The following NXPE2 variants were observed in gnomAD, a reference collection of about 807,000 sequenced individuals.
The protein encoded by NXPE2 is neurexophilin and PC-esterase domain family member 2.
Under a neutral mutation model 34.4 loss-of-function variants are expected in NXPE2, and 34 were observed. The observed-to-expected ratio is 0.99, with a 90% CI of 0.75 to 1.31. NXPE2 has a LOEUF of 1.31. Ranked by LOEUF, NXPE2 falls within the 40% of genes most tolerant of loss-of-function variation. The pLI is 0.00. For missense variants in NXPE2, 649 were observed against 672.5 expected (o/e 0.97, Z 0.39); for synonymous variants, 235 against 231.3 (o/e 1.02, Z -0.15).
At chr11:114,776,004 C>A in the NXPE2 span, among the ~76,000 whole-genome samples, 1 of 152,202 alleles carries the variant, frequency 6.6e-6, no homozygotes, top group Non-Finnish European at 1.5e-5. Flanking sequence ...GTGCCACTCA[C>A]AAGGCATCAG....
chr11:114,633,016 A>T, the NXPE2 span, among the ~76,000 whole-genome samples: 1 of 107,036 alleles, frequency 9.3e-6, no homozygotes, highest in Non-Finnish European at 1.7e-5. Context: ...TATATTATAT[A>T]ATATATAATG....
At chr11:114,774,651 C>T in the NXPE2 span, among the ~76,000 whole-genome samples, 1 of 152,172 alleles carries the variant, frequency 6.6e-6, no homozygotes, top group South Asian at 2.1e-4. Flanking sequence ...TGGCGTGGTC[C>T]TTGTCCCACT....
At chr11:114,680,167 T>C (rs892426475) in intron 2 of NXPE2, among the ~76,000 whole-genome samples, 2 of 152,102 alleles carry the variant, frequency 1.3e-5, no homozygotes, top group Non-Finnish European at 2.9e-5. Context: ...GCTCTTCCCT[T>C]TGTAAGTTTT....
intron 3 of NXPE2, among the ~76,000 whole-genome samples, chr11:114,700,326 C>A (rs895622815): frequency 1.3e-5 from 2 of 152,038 alleles, no homozygotes; most frequent in African/African-American, 4.8e-5. Context: ...CAGTTTCAAA[C>A]GTGATGGTTG....
the NXPE2 span, among the ~76,000 whole-genome samples, chr11:114,480,470 C>G: frequency 6.6e-6 from 1 of 152,114 alleles, no homozygotes; most frequent in Non-Finnish European, 1.5e-5. Flanking sequence ...GAGCAGCCAC[C>G]TTTCCTGCTG....
chr11:114,499,065 G>C, the NXPE2 span, among the ~76,000 whole-genome samples: 48 of 152,044 alleles, frequency 3.2e-4, no homozygotes, highest in Non-Finnish European at 5.9e-4. Flanking sequence ...CTTCTCCCAT[G>C]GTTATTGATA....
the NXPE2 span, among the ~76,000 whole-genome samples, chr11:114,617,769 TAA>T: frequency 6.6e-6 from 1 of 152,130 alleles, no homozygotes; most frequent in African/African-American, 2.4e-5. Context: ...ATGTGGATAA[TAA>T]GTGTTGCCTT....
At chr11:114,469,109 C>CTTTTTTTTTTTTT in the NXPE2 span, among the ~76,000 whole-genome samples, 26 of 88,866 alleles carry the variant, frequency 2.9e-4, 1 homozygote, top group Non-Finnish European at 3.9e-4. Flanking sequence ...ACAGTGCTAG[C>CTTTTTTTTTTTTT]TTTTTTTTTT....
At chr11:114,622,870 C>G in the NXPE2 span, among the ~76,000 whole-genome samples, 1 of 150,982 alleles carries the variant, frequency 6.6e-6, no homozygotes, top group Non-Finnish European at 1.5e-5. Context: ...CACTGTTAAC[C>G]AGTTGATAAT....
the NXPE2 span, among the ~76,000 whole-genome samples, chr11:114,582,124 C>A: frequency 6.6e-6 from 1 of 152,122 alleles, no homozygotes; most frequent in Non-Finnish European, 1.5e-5. Context: ...TTGTGGATTA[C>A]TAGAGAATGG....
the NXPE2 span, among the ~76,000 whole-genome samples, chr11:114,589,486 G>T: frequency 3.9e-5 from 6 of 152,048 alleles, no homozygotes; most frequent in African/African-American, 1.5e-4. Flanking sequence ...AGGTGCAGTT[G>T]GGGGGACATA....
At chr11:114,472,084 C>T in the NXPE2 span, among the ~76,000 whole-genome samples, 2 of 152,160 alleles carry the variant, frequency 1.3e-5, no homozygotes, top group African/African-American at 4.8e-5. Context: ...TGATGCTAAA[C>T]AACATTTGGC....
the NXPE2 span, among the ~76,000 whole-genome samples, chr11:114,807,413 C>A: frequency 6.6e-6 from 1 of 152,224 alleles, no homozygotes. Flanking sequence ...GATAAAGAGT[C>A]AAGACCCATC....
At position 114,704,013 on chromosome 11, in the gene NXPE2, A is replaced by C. The variant is rs1409506537; in HGVS notation, c.889A>C (p.Met297Leu). Residue 297 changes from methionine (M) to leucine (L), a missense_variant, in exon 4 of 6, where the codon ATG (methionine) becomes CTG (leucine). Coordinates refer to ENST00000389586, the MANE Select transcript of NXPE2 (RefSeq NM_182495.6). ...FHRSNIGVEM[M>L]KNFTPIEVIP... ...CAGGTCCAACATAGGAGTTGAAATG[A>C]TGAAGAACTTTACCCCCATTGAGGT... 6.4e-7 allele frequency: 1 copy of C among 1,551,968 alleles called. No individual in the cohort carries two copies. Among genetic ancestry groups the C allele is most frequent in the African/African-American group, 1.4e-5 (1 of 73,170 alleles).
At chr11:114,788,501 G>A in the NXPE2 span, among the ~76,000 whole-genome samples, 1 of 152,214 alleles carries the variant, frequency 6.6e-6, no homozygotes, top group Non-Finnish European at 1.5e-5. Context: ...CAGCAAGAAG[G>A]ACCACCAGTA....
the NXPE2 span, among the ~76,000 whole-genome samples, chr11:114,603,112 T>A: frequency 2.6e-5 from 4 of 152,012 alleles, no homozygotes; most frequent in African/African-American, 9.6e-5. Flanking sequence ...GTCTCATAGG[T>A]AACTACTATT....
At chr11:114,759,885 C>A in the NXPE2 span, among the ~76,000 whole-genome samples, 1 of 152,188 alleles carries the variant, frequency 6.6e-6, no homozygotes, top group Non-Finnish European at 1.5e-5. Flanking sequence ...ATTCTCCTTT[C>A]AATTCTCAAG....
At chr11:114,787,047 C>T in the NXPE2 span, among the ~76,000 whole-genome samples, 1 of 152,190 alleles carries the variant, frequency 6.6e-6, no homozygotes, top group African/African-American at 2.4e-5. Context: ...TGTCCTGCTG[C>T]CGCCCGCAGC....
At chr11:114,626,721 G>T in the NXPE2 span, among the ~76,000 whole-genome samples, 1 of 152,036 alleles carries the variant, frequency 6.6e-6, no homozygotes, top group Non-Finnish European at 1.5e-5. Flanking sequence ...AAATTATTCC[G>T]AGCTATGGGA....
Sources: allele counts gnomAD v4.1 joint callset (sites outside exome capture counted in the v4.1 genomes callset), GRCh38; gene constraint gnomAD v4.1.1; transcripts MANE v1.5; gene names NCBI Gene and HGNC (gene_info 2026-07-23, HGNC 2026-07-21).